The following RORC variants were observed in gnomAD, a reference collection of about 807,000 sequenced individuals.
RORC encodes nuclear receptor ROR-gamma.
In RORC, 13 loss-of-function variants were observed where a neutral mutation model predicts 64.5. The ratio of observed to expected loss-of-function variants is 0.20; its 90% CI spans 0.13 to 0.32. RORC has a LOEUF of 0.32. Among genes scored for constraint, RORC ranks in the 10% least tolerant of loss-of-function variants. RORC has a pLI of 1.00. For missense variants in RORC, 468 were observed against 669.5 expected, an observed-to-expected ratio of 0.70 and a Z score of 3.32; for synonymous variants, 277 against 259.3, an observed-to-expected ratio of 1.07 and a Z score of -0.65.
chr1:151,831,418 G>A (rs151051103), intron 1 of RORC, among the ~76,000 whole-genome samples: 1 of 152,222 alleles, frequency 6.6e-6, no homozygotes, highest in Non-Finnish European at 1.5e-5. Context: ...CCCTCGCTGG[G>A]TCTAGATCTG....
At chr1:151,825,996 G>A in intron 2 of RORC, 2 of 1,608,720 alleles carry the variant, frequency 1.2e-6, no homozygotes, top group South Asian at 1.1e-5. Flanking sequence ...GGGTGGTCCA[G>A]GAGTGGGGTG....
intron 2 of RORC, among the ~76,000 whole-genome samples, chr1:151,821,511 C>T (rs144161596): frequency 3.9e-4 from 60 of 152,316 alleles, no homozygotes; most frequent in Non-Finnish European, 6.6e-4. Context: ...GCTTTACATG[C>T]ATTTTCATTC....
At chr1:151,823,058 C>T (rs1480929405) in intron 2 of RORC, among the ~76,000 whole-genome samples, 1 of 152,044 alleles carries the variant, frequency 6.6e-6, no homozygotes, top group Non-Finnish European at 1.5e-5. Flanking sequence ...AGTCTAGCAC[C>T]TTGGGCTCGG....
chr1:151,816,740 G>T lies in RORC; in HGVS notation c.222C>A (p.Pro74=). The stretch of plus-strand genomic sequence containing the variant: ...ATCGGTTTCGGCTGGTGCGGTCGAT[G>T]GGGCAGTTCTGCTGACGGGTGCAGG... ...AYSCTRQQNC[P]IDRTSRNRCQ... Residue 74 remains proline, a synonymous_variant, in exon 4 of 11, where the codon CCC becomes CCA. Coordinates refer to ENST00000318247, the MANE Select transcript of RORC (RefSeq NM_005060.4). The T allele has an allele frequency of 6.3e-7, 1 of 1,598,220 alleles. No homozygotes were observed. Among genetic ancestry groups the T allele is most frequent in the Non-Finnish European group, 8.5e-7 (1 of 1,171,774 alleles).
chr1:151,814,477 G>C, intron 6 of RORC, 97 bp downstream of exon 6: 18 of 1,342,152 alleles, frequency 1.3e-5, no homozygotes, highest in Non-Finnish European at 1.8e-5. Flanking sequence ...GTGATGTCCC[G>C]CCCTGCCCCA....
At chr1:151,817,448 C>T (rs1244897827) in intron 2 of RORC, among the ~76,000 whole-genome samples, 168 bp from the exon 3 acceptor site, 2 of 152,344 alleles carry the variant, frequency 1.3e-5, no homozygotes, top group East Asian at 3.9e-4. Context: ...ATGCCAAATG[C>T]TTCTCAGCAA....
intron 2 of RORC, among the ~76,000 whole-genome samples, chr1:151,817,863 G>GC (rs1651830656): frequency 6.6e-6 from 1 of 152,116 alleles, no homozygotes; most frequent in South Asian, 2.1e-4. Flanking sequence ...GGAAACGGGG[G>GC]CTCAACACCC....
chr1:151,818,572 G>A (rs555303807), intron 2 of RORC, among the ~76,000 whole-genome samples: 1 of 152,274 alleles, frequency 6.6e-6, no homozygotes, highest in South Asian at 2.1e-4. Flanking sequence ...CAAAGCTTGG[G>A]ATCCCTGGTT....
intron 2 of RORC, among the ~76,000 whole-genome samples, chr1:151,819,904 C>T (rs1651918965): frequency 1.3e-5 from 2 of 152,148 alleles, no homozygotes; most frequent in Non-Finnish European, 2.9e-5. Flanking sequence ...GACAGAAGTA[C>T]CCAGTGAGAC....
chr1:151,829,350 C>G (rs374652884), intron 2 of RORC, 79 bp downstream of exon 2: 17 of 1,361,164 alleles, frequency 1.2e-5, no homozygotes, highest in African/African-American at 1.5e-5. Flanking sequence ...CAACCTCAGT[C>G]CCCCCACAGA....
chr1:151,812,227 GACTT>G (rs1321368648), intron 9 of RORC: 2 of 152,182 alleles, frequency 1.3e-5, no homozygotes, highest in Non-Finnish European at 2.9e-5. Flanking sequence ...ATGATGAGTT[GACTT>G]ACTATTTTTT....
chr1:151,820,211 AC>A (rs1405773372), intron 2 of RORC, among the ~76,000 whole-genome samples: 1 of 151,916 alleles, frequency 6.6e-6, no homozygotes, highest in Non-Finnish European at 1.5e-5. Context: ...AGTGCTGTGT[AC>A]ATGAGGGTGT....
intron 8 of RORC, 36 bp downstream of exon 8, chr1:151,813,203 T>C: frequency 6.3e-7 from 1 of 1,586,446 alleles, no homozygotes. Flanking sequence ...GGGGTTGGCA[T>C]CAGAATCTTC....
intron 6 of RORC, 99 bp downstream of exon 6, chr1:151,814,475 C>T: frequency 7.5e-7 from 1 of 1,332,662 alleles, no homozygotes; most frequent in Non-Finnish European, 1.0e-6. Flanking sequence ...CTGTGATGTC[C>T]CGCCCTGCCC....
rs910828529 is a variant in RORC at position 151,814,620 on chromosome 1, C to T, written c.887G>A (p.Arg296His). The change falls in exon 6 of 11, where the codon CGC (arginine) becomes CAC (histidine). Residue 296 changes from arginine to histidine, a missense_variant. Arg to His is a conservative substitution (Grantham distance 29). Around this residue, in one of 5 missense-constraint regions of RORC, gnomAD observed 100 missense variants for 190.8 expected, o/e 0.52. Transcript: ENST00000318247. Reference protein sequence around the residue: ...QLRLEDLLRQRSNIFSREEVT... With the variant: ...QLRLEDLLRQHSNIFSREEVT... ...TTCCTCCCGGGAGAAGATGTTGGAG[C>T]GCTGCCGCAGCAGGTCCTCCAGCCG... is the stretch of plus-strand genomic sequence containing the variant. The T allele has an allele frequency of 3.1e-6, 5 of 1,612,358 alleles. No homozygotes were observed. The highest frequency in any genetic ancestry group is 1.6e-4 in the Middle Eastern group (1 of 6,076).
intron 2 of RORC, among the ~76,000 whole-genome samples, chr1:151,828,137 G>C (rs1355097684): frequency 6.6e-6 from 1 of 152,144 alleles, no homozygotes; most frequent in African/African-American, 2.4e-5. Flanking sequence ...GGGCTGCCCA[G>C]CTCATGGAGA....
chr1:151,831,554 C>T (rs928984451), intron 1 of RORC, 171 bp downstream of exon 1: 4 of 688,166 alleles, frequency 5.8e-6, no homozygotes, highest in East Asian at 1.3e-4. Flanking sequence ...CTCCCCAGCC[C>T]CTCCTCCTGT....
rs139246401 is a variant in RORC, at chr1:151,806,636, G to A, written c.*836C>T. On this transcript the variant is annotated 3_prime_UTR_variant, in exon 11 of 11. Coordinates refer to ENST00000318247, the MANE Select transcript of RORC (RefSeq NM_005060.4). ...TGGCCTCAAGGATAAGAGAGATTGTGTCAGGTTCATGTGTCTCTGGAACTG... is the reference window on the plus strand; with the variant it reads ...TGGCCTCAAGGATAAGAGAGATTGTATCAGGTTCATGTGTCTCTGGAACTG... 4 of 152,358 alleles carry A rather than the reference G, an allele frequency of 2.6e-5. No homozygotes were observed. The East Asian group carries it at 5.8e-4, about 22-fold the overall frequency. The allele number at this position is 152,358 out of a possible 1,614,324, so 9.4% of individuals were successfully genotyped here. A position where few individuals can be genotyped will look rare whatever the true frequency, so the allele number is the denominator to read the frequency against.
At position 151,830,001 on chromosome 1, in the gene RORC, G is replaced by A. The variant is rs186300770; in HGVS notation, c.41-543C>T. ...TTTACTTTGTAATTTCATTGGAGGT[G>A]CACAAGAAATATCCTACAGCCAGAG... On this transcript the variant is annotated intron_variant, in intron 1 of 10. Transcript: ENST00000318247. The surrounding 1 kb of genome is among the most constrained non-coding windows in gnomAD (Gnocchi z 4.0). Among the ~76,000 whole-genome samples the A allele has an allele frequency of 7.2e-5, 11 of 152,324 alleles. No individual in the cohort carries two copies. Among genetic ancestry groups the A allele is most frequent in the Admixed American group, 4.6e-4 (7 of 15,314 alleles).
Sources: allele counts gnomAD v4.1 joint callset (sites outside exome capture counted in the v4.1 genomes callset), GRCh38; gene constraint gnomAD v4.1.1; regional missense constraint gnomAD v4.1.1; non-coding constraint Gnocchi (gnomAD v3.1); transcripts MANE v1.5; gene names NCBI Gene and HGNC (gene_info 2026-07-23, HGNC 2026-07-21).